The following APBA1 variants were observed in gnomAD, a reference collection of about 807,000 sequenced individuals.
APBA1 encodes amyloid-beta A4 precursor protein-binding family A member 1.
APBA1 carries 55 observed loss-of-function variants against 86.6 expected under a neutral mutation model. The observed-to-expected ratio is 0.64, with a 90% CI of 0.51 to 0.80. APBA1 has a LOEUF of 0.80. Ranked by LOEUF, APBA1 falls within the 30% of genes least tolerant of loss-of-function variation. The probability of loss-of-function intolerance (pLI) is 0.00; values close to 1 mark genes in which losing one functional copy is unlikely to be tolerated. For missense variants in APBA1, 1,090 were observed against 1,183.0 expected, an observed-to-expected ratio of 0.92 and a Z score of 1.15; for synonymous variants, 511 against 493.9, an observed-to-expected ratio of 1.03 and a Z score of -0.46.
At chr9:69,456,207 G>T in intron 8 of APBA1, 40 bp downstream of exon 8, 1 of 1,610,564 alleles carries the variant, frequency 6.2e-7, no homozygotes, top group Non-Finnish European at 8.5e-7. Flanking sequence ...GAAGTCAAGA[G>T]AACCTAACCC....
chr9:69,523,515 A>G (rs1414225387), intron 1 of APBA1, among the ~76,000 whole-genome samples: 2 of 58,830 alleles, frequency 3.4e-5, no homozygotes, highest in South Asian at 5.6e-4. Flanking sequence ...ATATATATAT[A>G]TATATATATA....
At chr9:69,599,717 A>G (rs1389844475) in intron 1 of APBA1, among the ~76,000 whole-genome samples, 3 of 152,170 alleles carry the variant, frequency 2.0e-5, no homozygotes, top group Non-Finnish European at 4.4e-5. Flanking sequence ...CTCAGACACT[A>G]TGCAGACCTC....
At chr9:69,671,752 G>A (rs1052357576) in intron 1 of APBA1, among the ~76,000 whole-genome samples, 3 of 152,046 alleles carry the variant, frequency 2.0e-5, no homozygotes, top group African/African-American at 7.2e-5. Context: ...AGAGTCAGCC[G>A]AGAGATGAGG....
chr9:69,605,953 A>G (rs1822461424), intron 1 of APBA1, among the ~76,000 whole-genome samples: 1 of 152,228 alleles, frequency 6.6e-6, no homozygotes, highest in Non-Finnish European at 1.5e-5. Context: ...ATTCTCAAAG[A>G]AAACTCATGT....
chr9:69,440,277 G>A (rs962500063), intron 11 of APBA1, among the ~76,000 whole-genome samples: 2 of 152,222 alleles, frequency 1.3e-5, no homozygotes, highest in Non-Finnish European at 2.9e-5. Flanking sequence ...ATCTCAAGCT[G>A]TGTGCTGGGA....
intron 5 of APBA1, 41 bp from the exon 6 acceptor site, chr9:69,458,229 A>G (rs201128687): frequency 7.3e-5 from 115 of 1,580,846 alleles, no homozygotes; most frequent in Non-Finnish European, 9.9e-5. Flanking sequence ...GAATAGTTAG[A>G]AAGAATGTGT....
chr9:69,551,970 G>A (rs1836791854), intron 1 of APBA1, among the ~76,000 whole-genome samples: 1 of 152,224 alleles, frequency 6.6e-6, no homozygotes, highest in African/African-American at 2.4e-5. Context: ...CACAGGAGGG[G>A]AAGAACTGAC....
intron 2 of APBA1, among the ~76,000 whole-genome samples, chr9:69,486,779 C>G (rs1382232242): frequency 6.6e-6 from 1 of 151,994 alleles, no homozygotes; most frequent in Non-Finnish European, 1.5e-5. Flanking sequence ...GCAGCTGGAG[C>G]CCCATGGAGG....
At chr9:69,672,614 G>T (rs1823980105), upstream of APBA1, 1 of 151,008 alleles carries the variant, frequency 6.6e-6, no homozygotes, top group African/African-American at 2.4e-5. Context: ...CAGCGCCCCT[G>T]CCCCGGCGCC....
intron 1 of APBA1, among the ~76,000 whole-genome samples, chr9:69,601,275 T>C (rs1363288791): frequency 6.6e-6 from 1 of 152,206 alleles, no homozygotes; most frequent in Admixed American, 6.5e-5. Context: ...TGAGATACAA[T>C]AAAGATAATA....
intron 1 of APBA1, among the ~76,000 whole-genome samples, chr9:69,522,997 C>T (rs188581472): frequency 1.1e-4 from 17 of 152,300 alleles, no homozygotes; most frequent in South Asian, 2.1e-4. Flanking sequence ...AGGGTCTCCA[C>T]GTTACCAGTG....
At chr9:69,548,321 C>T (rs1836729524) in intron 1 of APBA1, among the ~76,000 whole-genome samples, 1 of 152,176 alleles carries the variant, frequency 6.6e-6, no homozygotes, top group Admixed American at 6.5e-5. Context: ...CTTAGATCCT[C>T]CAGAAAGGAC....
intron 1 of APBA1, among the ~76,000 whole-genome samples, chr9:69,582,768 C>T (rs1009873133): frequency 6.6e-5 from 10 of 152,162 alleles, no homozygotes; most frequent in African/African-American, 9.7e-5. Context: ...TCATTTCCTG[C>T]CTGAGCTTGT....
At chr9:69,432,784 T>C (rs1834627775) in intron 11 of APBA1, 108 bp from the exon 12 acceptor site, 2 of 1,159,526 alleles carry the variant, frequency 1.7e-6, no homozygotes, top group Admixed American at 6.6e-5. Flanking sequence ...TTGGAGAAAC[T>C]GACATGGTTA....
At chr9:69,443,834 G>T (rs1230097920) in intron 10 of APBA1, among the ~76,000 whole-genome samples, 1 of 152,142 alleles carries the variant, frequency 6.6e-6, no homozygotes, top group African/African-American at 2.4e-5. Flanking sequence ...ACCAGAGAGG[G>T]TGTGTCTTTT....
At chr9:69,452,934 G>A (rs1208430739) in intron 8 of APBA1, among the ~76,000 whole-genome samples, 1 of 152,208 alleles carries the variant, frequency 6.6e-6, no homozygotes, top group African/African-American at 2.4e-5. Context: ...GCATGTGCTT[G>A]TAGATACATA....
intron 1 of APBA1, among the ~76,000 whole-genome samples, chr9:69,532,741 T>C (rs886745250): frequency 6.6e-6 from 1 of 152,210 alleles, no homozygotes; most frequent in African/African-American, 2.4e-5. Flanking sequence ...GTGTTACTCA[T>C]ACCCATCCAC....
chr9:69,672,328 C>A lies in APBA1; in HGVS notation c.-245G>T. The A allele has an allele frequency of 5.9e-6, 1 of 168,984 alleles. No individual in the cohort carries two copies. Among genetic ancestry groups the A allele is most frequent in the Non-Finnish European group, 1.2e-5 (1 of 81,216 alleles). 10.5% of individuals were successfully genotyped at this position (168,984 alleles called of 1,614,324 possible). ...CGCCGGGACCGCAGCCGCCCTCGCC[C>A]AGCTCCGGCTCCGCAGCCGCTGCTC... On this transcript the variant is annotated 5_prime_UTR_variant, in exon 1 of 13. Coordinates refer to ENST00000265381, the MANE Select transcript of APBA1 (RefSeq NM_001163.4).
chr9:69,504,288 A>C (rs909308478), intron 2 of APBA1, among the ~76,000 whole-genome samples: 1 of 151,968 alleles, frequency 6.6e-6, no homozygotes, highest in African/African-American at 2.4e-5. Flanking sequence ...GGTCTTTCAT[A>C]ATTTCCCCTT....
Sources: allele counts gnomAD v4.1 joint callset (sites outside exome capture counted in the v4.1 genomes callset), GRCh38; gene constraint gnomAD v4.1.1; transcripts MANE v1.5; gene names NCBI Gene and HGNC (gene_info 2026-07-23, HGNC 2026-07-21).